Variants in WDFY3 observed in about 807,000 individuals in gnomAD.
The protein encoded by WDFY3 is WD repeat and FYVE domain containing 3, also known as WD repeat and FYVE domain-containing protein 3.
WDFY3 carries 66 observed loss-of-function variants against 409.6 expected under a neutral mutation model. The observed-to-expected ratio is 0.16, with a 90% CI of 0.13 to 0.20. The LOEUF is 0.20. Ranked by LOEUF, WDFY3 falls within the 10% of genes least tolerant of loss-of-function variation. WDFY3 has a pLI of 1.00. For missense variants in WDFY3, 3,031 were observed against 4,298.1 expected (o/e 0.71, Z 8.24); for synonymous variants, 1,521 against 1,537.1 (o/e 0.99, Z 0.25).
rs1733685157 is a variant in WDFY3 at position 84,715,394 on chromosome 4, C to G, written c.7876-11G>C. On this transcript the variant is annotated splice_polypyrimidine_tract_variant and intron_variant, in intron 49 of 67. Transcript: ENST00000295888. ...TTCCACAGCAATAGGCTGAAATGAT[C>G]AGAGAGAAAAACATTAAGAAAAAAC... 1 of 1,466,638 alleles carries G rather than the reference C, an allele frequency of 6.8e-7. No individual in the cohort carries two copies. Among genetic ancestry groups the G allele is most frequent in the Non-Finnish European group, 9.5e-7 (1 of 1,054,046 alleles). 90.9% of individuals were successfully genotyped at this position (1,466,638 alleles called of 1,614,324 possible). A position where few individuals can be genotyped will look rare whatever the true frequency, so the allele number is the denominator to read the frequency against.
intron 56 of WDFY3, among the ~76,000 whole-genome samples, chr4:84,698,174 A>G (rs1730452201): frequency 1.3e-5 from 2 of 152,126 alleles, no homozygotes; most frequent in South Asian, 2.1e-4. Context: ...ATCCTTGAAT[A>G]CTTATTTGAT....
At chr4:84,716,418 G>GC (rs1733921998) in intron 49 of WDFY3, among the ~76,000 whole-genome samples, 1 of 136,186 alleles carries the variant, frequency 7.3e-6, no homozygotes, top group African/African-American at 2.8e-5. Flanking sequence ...TAGCCTGGGT[G>GC]ACAGAGCAAG....
At position 84,822,653 on chromosome 4, in the gene WDFY3, A is replaced by G. The variant is rs149716369; in HGVS notation, c.1124-1102T>C. Among the ~76,000 whole-genome samples the G allele has an allele frequency of 6.0e-3, 918 of 152,282 alleles. 12 individuals are homozygous for G. Among genetic ancestry groups the G allele is most frequent in the African/African-American group, 0.021 (867 of 41,564 alleles). On this transcript the variant is annotated intron_variant, in intron 10 of 67. Transcript: ENST00000295888. Reference sequence around the variant, plus strand: ...CTTGAGCCCAGGAGTTTGAGGTTGCAGTGGGCTATGATCACACCACTGCAC... The same window carrying G: ...CTTGAGCCCAGGAGTTTGAGGTTGCGGTGGGCTATGATCACACCACTGCAC...
chr4:84,799,776 T>C (rs909495123), intron 17 of WDFY3, among the ~76,000 whole-genome samples: 9 of 152,184 alleles, frequency 5.9e-5, no homozygotes, highest in African/African-American at 2.2e-4. Flanking sequence ...GTTTTTCATG[T>C]AGAACGTTAG....
At chr4:84,676,934 A>G (rs1250033538) in intron 67 of WDFY3, among the ~76,000 whole-genome samples, 4 of 152,218 alleles carry the variant, frequency 2.6e-5, no homozygotes, top group Non-Finnish European at 5.9e-5. Context: ...GAATCATTTC[A>G]CATACAGGTC....
intron 25 of WDFY3, among the ~76,000 whole-genome samples, chr4:84,780,696 G>T (rs1276287708): frequency 6.6e-6 from 1 of 152,054 alleles, no homozygotes; most frequent in Non-Finnish European, 1.5e-5. Context: ...CCTAGGAGTT[G>T]GAGGTTGCAG....
intron 36 of WDFY3, 194 bp downstream of exon 36, chr4:84,751,289 G>C (rs1307112603): frequency 3.2e-6 from 2 of 619,982 alleles, no homozygotes; most frequent in African/African-American, 3.7e-5. Flanking sequence ...AGACATCCTT[G>C]AGGGAAGGAA....
At chr4:84,863,242 A>C (rs1760908607) in intron 3 of WDFY3, among the ~76,000 whole-genome samples, 1 of 152,226 alleles carries the variant, frequency 6.6e-6, no homozygotes, top group South Asian at 2.1e-4. Flanking sequence ...TATACCCAGA[A>C]ATGAGACTGC....
chr4:84,806,423 C>T (rs1284271493), intron 15 of WDFY3, among the ~76,000 whole-genome samples: 1 of 152,108 alleles, frequency 6.6e-6, no homozygotes, highest in Non-Finnish European at 1.5e-5. Context: ...GATTAGGGCT[C>T]AATCAACTAG....
rs748064924 is a variant in WDFY3 at position 84,891,688 on chromosome 4, C to T, written c.-32+5223G>A. ...ATGGGAAAGAAAATCTGTTTACCTC[C>T]TTTCAGTGATTAGGGAACCTGCATT... On this transcript the variant is annotated intron_variant, in intron 3 of 67. Transcript: ENST00000295888. Among the ~76,000 whole-genome samples the T allele has an allele frequency of 1.4e-3, 218 of 152,180 alleles. 3 individuals are homozygous for T. Among genetic ancestry groups the T allele is most frequent in the Admixed American group, 1.4e-3 (22 of 15,280 alleles).
In WDFY3 at chr4:84,831,613, A is replaced by G. The variant is rs749728537; in HGVS notation, c.577-8T>C. The G allele has an allele frequency of 1.0e-5, 16 of 1,597,208 alleles. No individual in the cohort carries two copies. The highest frequency in any genetic ancestry group is 1.1e-5 in the South Asian group (1 of 88,884). On this transcript the variant is annotated splice_region_variant and splice_polypyrimidine_tract_variant and intron_variant, in intron 7 of 67. Coordinates refer to ENST00000295888, the MANE Select transcript of WDFY3 (RefSeq NM_014991.6). The stretch of plus-strand genomic sequence containing the variant: ...GCACAGTTTCACTAAGATCTAAAAA[A>G]TAAAACAAAACAAAACAAGAGTGTA...
At chr4:84,930,043 A>G (rs1024794758) in intron 2 of WDFY3, among the ~76,000 whole-genome samples, 1 of 152,150 alleles carries the variant, frequency 6.6e-6, no homozygotes, top group African/African-American at 2.4e-5. Context: ...AGGCCTCAGG[A>G]GCCAACCCTG....
In WDFY3 at chr4:84,670,117, G is replaced by A. The variant is rs1405040168; in HGVS notation, c.*2751C>T. ...TAGAGTGTTTTGCTATTATCCAGAC[G>A]GATGGCTGCTATGGGCAGCTATTCT... On this transcript the variant is annotated 3_prime_UTR_variant, in exon 68 of 68. Coordinates refer to ENST00000295888, the MANE Select transcript of WDFY3 (RefSeq NM_014991.6). 6.6e-6 allele frequency: 1 copy of A among 152,570 alleles called. No individual in the cohort carries two copies. The highest frequency in any genetic ancestry group is 6.5e-5 in the Admixed American group (1 of 15,276). 9.5% of individuals were successfully genotyped at this position (152,570 alleles called of 1,614,324 possible).
chr4:84,737,140 G>C, intron 41 of WDFY3, 44 bp downstream of exon 41: 1 of 1,606,856 alleles, frequency 6.2e-7, no homozygotes, highest in Non-Finnish European at 8.5e-7. Flanking sequence ...ATATATGATA[G>C]CCACATGTAA....
intron 2 of WDFY3, among the ~76,000 whole-genome samples, chr4:84,924,394 C>T (rs1769701662): frequency 6.6e-6 from 1 of 152,194 alleles, no homozygotes; most frequent in African/African-American, 2.4e-5. Flanking sequence ...AGGCATTTCA[C>T]ATTTAGTTGA....
intron 5 of WDFY3, among the ~76,000 whole-genome samples, chr4:84,846,634 C>A (rs1460606754): frequency 6.7e-6 from 1 of 148,506 alleles, no homozygotes; most frequent in Non-Finnish European, 1.5e-5. Context: ...AATGGGGATA[C>A]CTAATTTCAT....
intron 3 of WDFY3, among the ~76,000 whole-genome samples, chr4:84,893,946 G>A (rs1765273499): frequency 6.6e-6 from 1 of 151,190 alleles, no homozygotes; most frequent in South Asian, 2.1e-4. Context: ...CCGAGGCTGC[G>A]CCATTGCACT....
chr4:84,963,709 T>G (rs1775233991), intron 1 of WDFY3, among the ~76,000 whole-genome samples: 1 of 152,304 alleles, frequency 6.6e-6, no homozygotes. Flanking sequence ...TTAACATCAA[T>G]CAAATGGTAT....
intron 14 of WDFY3, 90 bp from the exon 15 acceptor site, chr4:84,808,507 A>C (rs1751914278): frequency 3.9e-6 from 4 of 1,035,592 alleles, no homozygotes; most frequent in African/African-American, 1.6e-5. Context: ...AAGAAATGCC[A>C]GTAAAAGTTT....
Sources: allele counts gnomAD v4.1 joint callset (sites outside exome capture counted in the v4.1 genomes callset), GRCh38; gene constraint gnomAD v4.1.1; transcripts MANE v1.5; gene names NCBI Gene and HGNC (gene_info 2026-07-23, HGNC 2026-07-21).